TBCE: variants seen among roughly 807,000 people sequenced by gnomAD.
TBCE encodes tubulin folding cofactor E.
TBCE carries 53 observed loss-of-function variants against 77.0 expected under a neutral mutation model. The observed-to-expected ratio is 0.69, with a 90% CI of 0.55 to 0.87. The LOEUF is 0.87. Ranked by LOEUF, TBCE falls within the 40% of genes least tolerant of loss-of-function variation. The probability of loss-of-function intolerance (pLI) is 0.00; values close to 1 mark genes in which losing one functional copy is unlikely to be tolerated. For missense variants in TBCE, 624 were observed against 622.4 expected, an observed-to-expected ratio of 1.00 and a Z score of -0.03; for synonymous variants, 235 against 241.3, an observed-to-expected ratio of 0.97 and a Z score of 0.24.
intron 1 of TBCE, among the ~76,000 whole-genome samples, chr1:235,369,818 G>A (rs1348783306): frequency 6.8e-6 from 1 of 147,768 alleles, no homozygotes; most frequent in Non-Finnish European, 1.5e-5. Context: ...GGCAACAAGG[G>A]CAAAACTCTG....
chr1:235,377,715 G>A (rs572395006), intron 1 of TBCE, among the ~76,000 whole-genome samples: 15 of 149,782 alleles, frequency 1.0e-4, no homozygotes, highest in African/African-American at 3.2e-4. Context: ...ACAATGGCTC[G>A]ATCTCGGCTC....
At chr1:235,386,984 A>T (rs1678049206) in intron 2 of TBCE, among the ~76,000 whole-genome samples, 1 of 151,996 alleles carries the variant, frequency 6.6e-6, no homozygotes, top group South Asian at 2.1e-4. Flanking sequence ...TTTGGTGTGG[A>T]TGTCCTTCCT....
intron 2 of TBCE, among the ~76,000 whole-genome samples, chr1:235,391,735 T>A (rs1678406683): frequency 1.3e-5 from 2 of 149,898 alleles, no homozygotes; most frequent in Non-Finnish European, 3.0e-5. Flanking sequence ...GCCTCCCAAG[T>A]AGCTGGGATT....
intron 4 of TBCE, chr1:235,419,181 T>C: frequency 2.2e-6 from 1 of 459,750 alleles, no homozygotes; most frequent in Non-Finnish European, 4.0e-6. Flanking sequence ...CACTCCAGCC[T>C]GGGCAACACA....
intron 1 of TBCE, among the ~76,000 whole-genome samples, chr1:235,368,737 TG>T (rs1464632191): frequency 1.3e-5 from 2 of 151,214 alleles, no homozygotes; most frequent in African/African-American, 4.9e-5. Context: ...TTTTTTTTTT[TG>T]TATTTGTAGT....
chr1:235,425,485 G>T lies in TBCE; in HGVS notation c.461-1655G>T, dbSNP rs116278077. Among the ~76,000 whole-genome samples, 305 of 152,052 alleles carry T rather than the reference G, an allele frequency of 2.0e-3. 1 individual carries two copies. Among genetic ancestry groups the T allele is most frequent in the African/African-American group, 7.0e-3 (290 of 41,506 alleles). On this transcript the variant is annotated intron_variant, in intron 5 of 16. Transcript: ENST00000642610. Reference sequence around the variant, plus strand: ...ACAGTGACTTTTACTGGATTTTTTTGTTGTTGTTGTTTTGTTTTTTGACAT... The same window carrying T: ...ACAGTGACTTTTACTGGATTTTTTTTTTGTTGTTGTTTTGTTTTTTGACAT...
chr1:235,448,289 C>A, intron 15 of TBCE, 60 bp from the exon 16 acceptor site: 1 of 1,336,782 alleles, frequency 7.5e-7, no homozygotes, highest in Non-Finnish European at 1.1e-6. Flanking sequence ...ATCACATGAG[C>A]TAGTTTTACA....
At chr1:235,388,283 C>CTTTTTTTTTTT (rs908940784) in intron 2 of TBCE, among the ~76,000 whole-genome samples, 12 of 117,320 alleles carry the variant, frequency 1.0e-4, no homozygotes, top group East Asian at 2.4e-4. Context: ...TCTGTTACTT[C>CTTTTTTTTTTT]TTTTTTTTTT....
intron 1 of TBCE, among the ~76,000 whole-genome samples, chr1:235,371,378 C>CTTTT (rs1256615105): frequency 7.4e-6 from 1 of 135,060 alleles, no homozygotes; most frequent in Admixed American, 7.5e-5. Context: ...TTTTTTTTCC[C>CTTTT]TTTTTTTTTT....
At chr1:235,402,947 T>C (rs1679202005) in intron 3 of TBCE, among the ~76,000 whole-genome samples, 1 of 152,040 alleles carries the variant, frequency 6.6e-6, no homozygotes. Flanking sequence ...TAACAGTCTT[T>C]ATGGTCCTGA....
chr1:235,394,572 A>G (rs997562368), intron 2 of TBCE, among the ~76,000 whole-genome samples: 1 of 151,834 alleles, frequency 6.6e-6, no homozygotes, highest in Non-Finnish European at 1.5e-5. Context: ...CTGGGACTAC[A>G]GATGTGCACC....
intron 15 of TBCE, among the ~76,000 whole-genome samples, chr1:235,446,763 T>C (rs561957722): frequency 2.0e-5 from 3 of 151,156 alleles, no homozygotes; most frequent in Non-Finnish European, 4.4e-5. Flanking sequence ...AGTGGCGCGA[T>C]CATGGCTCAC....
At chr1:235,371,732 G>C (rs1458442602) in intron 1 of TBCE, among the ~76,000 whole-genome samples, 1 of 151,888 alleles carries the variant, frequency 6.6e-6, no homozygotes, top group African/African-American at 2.4e-5. Flanking sequence ...GAGTGCAATG[G>C]CACGATCTCG....
intron 1 of TBCE, among the ~76,000 whole-genome samples, chr1:235,379,336 T>C (rs1047005241): frequency 6.6e-6 from 1 of 152,070 alleles, no homozygotes; most frequent in Non-Finnish European, 1.5e-5. Flanking sequence ...GAGACCAGTC[T>C]GGCCAACATG....
chr1:235,420,041 C>T (rs1280686129), intron 5 of TBCE, among the ~76,000 whole-genome samples: 3 of 151,876 alleles, frequency 2.0e-5, no homozygotes, highest in East Asian at 3.9e-4. Context: ...GCTGAGATCG[C>T]GCCAGTGCAC....
At chr1:235,375,930 C>T (rs894861108) in intron 1 of TBCE, among the ~76,000 whole-genome samples, 3 of 152,058 alleles carry the variant, frequency 2.0e-5, no homozygotes, top group Admixed American at 1.3e-4. Flanking sequence ...TGCCTATAAT[C>T]CCAGCTACTC....
intron 4 of TBCE, among the ~76,000 whole-genome samples, chr1:235,416,958 A>G: frequency 6.6e-6 from 1 of 152,210 alleles, no homozygotes; most frequent in Non-Finnish European, 1.5e-5. Flanking sequence ...CAGTTACAAC[A>G]TAAAACCTAA....
At chr1:235,418,191 A>G (rs1680207977) in intron 4 of TBCE, among the ~76,000 whole-genome samples, 1 of 152,268 alleles carries the variant, frequency 6.6e-6, no homozygotes, top group African/African-American at 2.4e-5. Context: ...AAGTTCGCAC[A>G]ATATTGCATT....
chr1:235,436,473 C>T lies in TBCE; in HGVS notation c.898+23C>T, dbSNP rs375117306. 1.2e-5 allele frequency: 19 copies of T among 1,611,414 alleles called. No individual in the cohort carries two copies. The African/African-American group carries it at 2.4e-4, about 20-fold the overall frequency. ...TTGGTATATAAGATTAGTAAAGTTC[C>T]CCACTGCCCCCCCACACTATACTTC... On this transcript the variant is annotated intron_variant, in intron 10 of 16. Transcript: ENST00000642610.
Sources: allele counts gnomAD v4.1 joint callset (sites outside exome capture counted in the v4.1 genomes callset), GRCh38; gene constraint gnomAD v4.1.1; transcripts MANE v1.5; gene names NCBI Gene and HGNC (gene_info 2026-07-23, HGNC 2026-07-21).